RB1CC1: variants seen among roughly 807,000 people sequenced by gnomAD.
RB1CC1 encodes the protein RB1-inducible coiled-coil protein 1.
RB1CC1 carries 46 observed loss-of-function variants against 177.5 expected under a neutral mutation model. The ratio of observed to expected loss-of-function variants is 0.26; its 90% CI spans 0.20 to 0.33. RB1CC1 has a LOEUF of 0.33. Ranked by LOEUF, RB1CC1 falls within the 10% of genes least tolerant of loss-of-function variation. The pLI, the probability that RB1CC1 is intolerant of heterozygous loss-of-function variation, is 1.00. For synonymous variants in RB1CC1, 666 were observed against 613.6 expected, an observed-to-expected ratio of 1.09 and a Z score of -1.26; for missense variants, 1,703 against 1,816.3, an observed-to-expected ratio of 0.94 and a Z score of 1.13.
intron 1 of RB1CC1, among the ~76,000 whole-genome samples, chr8:52,691,267 T>G (rs1441400987): frequency 6.6e-6 from 1 of 152,190 alleles, no homozygotes; most frequent in Non-Finnish European, 1.5e-5. Flanking sequence ...CATTCTCCTC[T>G]TCCATGATAC....
At position 52,680,994 on chromosome 8, in the gene RB1CC1, G is replaced by GTT. The variant is rs1554548481; in HGVS notation, c.369+2553_369+2554dup. ...TGTGTGTGTGTGTGTGTGTGTGTGT[G>GTT]TTTTTTTTTTTTTTTGAGATGAAGT... On this transcript the variant is annotated intron_variant, in intron 5 of 23. Coordinates refer to ENST00000025008, the MANE Select transcript of RB1CC1 (RefSeq NM_014781.5). Among the ~76,000 whole-genome samples the GTT allele has an allele frequency of 1.1e-3, 145 of 128,612 alleles. 1 individual carries two copies. The highest frequency in any genetic ancestry group is 2.3e-3 in the South Asian group (9 of 3,880). The allele number at this position is 128,612 out of a possible 152,430, so 84.4% of individuals were successfully genotyped here. A position where few individuals can be genotyped will look rare whatever the true frequency, so the allele number is the denominator to read the frequency against.
intron 1 of RB1CC1, among the ~76,000 whole-genome samples, chr8:52,691,818 C>T (rs980075405): frequency 7.2e-5 from 11 of 152,186 alleles, no homozygotes; most frequent in African/African-American, 1.9e-4. Flanking sequence ...CTACCAGTAC[C>T]GGTAACCTGT....
intron 21 of RB1CC1, among the ~76,000 whole-genome samples, chr8:52,629,486 C>T (rs1848613373): frequency 6.6e-6 from 1 of 152,128 alleles, no homozygotes; most frequent in African/African-American, 2.4e-5. Flanking sequence ...TCTGAATGAA[C>T]TTCCTCCTCT....
chr8:52,651,282 C>A (rs1296420349), intron 15 of RB1CC1, among the ~76,000 whole-genome samples: 1 of 152,100 alleles, frequency 6.6e-6, no homozygotes, highest in Non-Finnish European at 1.5e-5. Flanking sequence ...AATGAGATGG[C>A]AAAATGAGAT....
chr8:52,676,246 A>G (rs1853117221), intron 6 of RB1CC1, 123 bp downstream of exon 6: 6 of 830,322 alleles, frequency 7.2e-6, no homozygotes, highest in Non-Finnish European at 1.1e-5. Context: ...AAAAGGCTCA[A>G]AGAATAAACC....
chr8:52,658,512 G>A (rs953018823), intron 13 of RB1CC1, among the ~76,000 whole-genome samples: 3 of 147,838 alleles, frequency 2.0e-5, no homozygotes, highest in African/African-American at 7.5e-5. Context: ...GGGAGGTGAA[G>A]GTTGCAGTGA....
At chr8:52,623,914 T>TCA (rs1227238490) in intron 23 of RB1CC1, 55 bp from the exon 24 acceptor site, 87 of 1,126,526 alleles carry the variant, frequency 7.7e-5, no homozygotes, top group Middle Eastern at 2.8e-4. Flanking sequence ...CATCTCTCTC[T>TCA]CTCACACACA....
intron 21 of RB1CC1, among the ~76,000 whole-genome samples, chr8:52,629,837 A>G (rs1848636231): frequency 6.6e-6 from 1 of 152,112 alleles, no homozygotes; most frequent in African/African-American, 2.4e-5. Context: ...CCCAGCTTTC[A>G]TTTGTCCCAC....
chr8:52,689,211 A>G (rs987700), intron 1 of RB1CC1, among the ~76,000 whole-genome samples: 2,148 of 152,150 alleles, frequency 0.014, 17 homozygotes, highest in Non-Finnish European at 0.021. Flanking sequence ...TTAATTTTTC[A>G]TTTCTCTTTG....
intron 23 of RB1CC1, 148 bp downstream of exon 23, chr8:52,624,569 C>A: frequency 1.6e-6 from 1 of 635,746 alleles, no homozygotes; most frequent in Non-Finnish European, 2.7e-6. Flanking sequence ...TTATAAATTG[C>A]CAGTTCAAAC....
chr8:52,674,109 C>T lies in RB1CC1; in HGVS notation c.738G>A (p.Met246Ile), dbSNP rs1258079331. Reference protein sequence around the residue: ...RSTELVLSPDMPRTTNESLLT... With the variant: ...RSTELVLSPDIPRTTNESLLT... ...ACAAAGATTCGTTAGTTGTTCTAGG[C>T]ATATCAGGAGAGAGCACCAGTTCAG... The change falls in exon 7 of 24, where the codon ATG becomes ATA. Residue 246 changes from methionine (M) to isoleucine (I), a missense_variant. Around this residue, in one of 6 missense-constraint regions of RB1CC1, gnomAD observed 315 missense variants for 304.9 expected, o/e 1.03. Coordinates refer to ENST00000025008, the MANE Select transcript of RB1CC1 (RefSeq NM_014781.5). The T allele has an allele frequency of 6.2e-7, 1 of 1,614,148 alleles. No individual in the cohort carries two copies. The highest frequency in any genetic ancestry group is 1.7e-5 in the Admixed American group (1 of 60,034).
At chr8:52,661,764 GA>G in intron 8 of RB1CC1, 45 bp from the exon 9 acceptor site, 1 of 1,408,942 alleles carries the variant, frequency 7.1e-7, no homozygotes. Context: ...TTTGTTTCAT[GA>G]AAGGTATGGA....
chr8:52,666,496 C>A (rs1285579981), intron 8 of RB1CC1, among the ~76,000 whole-genome samples: 1 of 149,044 alleles, frequency 6.7e-6, no homozygotes, highest in African/African-American at 2.5e-5. Context: ...CTAGTCTGGG[C>A]TACAAGAGCG....
rs899072082 is a variant in RB1CC1, at chr8:52,685,399, G to A, written c.71C>T (p.Thr24Ile). 2 of 1,583,146 alleles carry A rather than the reference G, an allele frequency of 1.3e-6. No homozygotes were observed. The highest frequency in any genetic ancestry group is 1.7e-6 in the Non-Finnish European group (2 of 1,157,290). Residue 24 changes from threonine (T) to isoleucine (I), a missense_variant and splice_region_variant, in exon 3 of 24, where the codon ACT becomes ATT. Thr to Ile is a moderately conservative substitution (Grantham distance 89, BLOSUM62 -1). Transcript: ENST00000025008. ...AAAAAATAAATGAAATACAACTCACGTTTGCACTGTAAGTTCAGTGTCAAA... is the reference window on the plus strand; with the variant it reads ...AAAAAATAAATGAAATACAACTCACATTTGCACTGTAAGTTCAGTGTCAAA... ...LTFDTELTVQTVADLKHAIQS... is the reference protein window; with the variant it reads ...LTFDTELTVQIVADLKHAIQS...
At chr8:52,668,613 C>G (rs186669803) in intron 7 of RB1CC1, among the ~76,000 whole-genome samples, 20 of 152,294 alleles carry the variant, frequency 1.3e-4, no homozygotes, top group Non-Finnish European at 2.5e-4. Flanking sequence ...CTATTTCTAT[C>G]TCCTCAACGA....
At chr8:52,643,696 CAAAAAA>C (rs34520917) in intron 16 of RB1CC1, among the ~76,000 whole-genome samples, 2 of 81,088 alleles carry the variant, frequency 2.5e-5, no homozygotes, top group Non-Finnish European at 2.3e-5. Flanking sequence ...CTCTAAGAGG[CAAAAAA>C]AAAAAAAAAA....
At chr8:52,660,830 T>A in intron 11 of RB1CC1, 96 bp downstream of exon 11, 1 of 1,153,998 alleles carries the variant, frequency 8.7e-7, no homozygotes, top group Non-Finnish European at 1.2e-6. Context: ...TCAATGGCAA[T>A]TAACAGCATA....
intron 21 of RB1CC1, among the ~76,000 whole-genome samples, chr8:52,629,465 C>A (rs555384105): frequency 2.0e-5 from 3 of 152,012 alleles, no homozygotes; most frequent in Non-Finnish European, 4.4e-5. Context: ...TGAAGCCCCC[C>A]CAACCAACCA....
chr8:52,690,434 T>C (rs1402153252), intron 1 of RB1CC1, among the ~76,000 whole-genome samples: 1 of 152,152 alleles, frequency 6.6e-6, no homozygotes, highest in Non-Finnish European at 1.5e-5. Context: ...GAAAGCAGCA[T>C]TAAACAAGAA....
Sources: allele counts gnomAD v4.1 joint callset (sites outside exome capture counted in the v4.1 genomes callset), GRCh38; gene constraint gnomAD v4.1.1; regional missense constraint gnomAD v4.1.1; transcripts MANE v1.5; gene names NCBI Gene and HGNC (gene_info 2026-07-23, HGNC 2026-07-21).